USP11: variants seen among roughly 807,000 people sequenced by gnomAD.
The protein encoded by USP11 is ubiquitin specific peptidase 11.
Under a neutral mutation model 72.8 loss-of-function variants are expected in USP11, and 5 were observed. The observed-to-expected ratio is 0.07, with a 90% confidence interval of 0.04 to 0.14. USP11 has a LOEUF of 0.14. Ranked by LOEUF, USP11 falls within the 10% of genes least tolerant of loss-of-function variation. The probability of loss-of-function intolerance (pLI) is 1.00; values close to 1 mark genes in which losing one functional copy is unlikely to be tolerated. For missense variants in USP11, 480 were observed against 794.7 expected (o/e 0.60, Z 4.76); for synonymous variants, 368 against 326.5 (o/e 1.13, Z -1.37).
chrX:47,245,497 C>T lies in USP11; in HGVS notation c.2270+15C>T, dbSNP rs199759719. ...GAAAACCCCTGGTGAGGGGCCAGAG[C>T]GGGGCCTGTGTGTGGGGGTTTCATT... On this transcript the variant is annotated intron_variant, in intron 17 of 20. Transcript: ENST00000377107. The T allele has an allele frequency of 2.5e-5, 27 of 1,069,365 alleles. No homozygotes were observed. The highest frequency in any genetic ancestry group is 5.0e-4 in the Middle Eastern group (2 of 4,001). 88.1% of individuals were successfully genotyped at this position (1,069,365 alleles called of 1,213,427 possible). A position where few individuals can be genotyped will look rare whatever the true frequency, so the allele number is the denominator to read the frequency against.
intron 9 of USP11, 134 bp from the exon 10 acceptor site, chrX:47,241,948 G>A (rs1203878358): frequency 1.3e-6 from 1 of 769,744 alleles, no homozygotes; most frequent in East Asian, 3.5e-5. Flanking sequence ...CATAGTCTCT[G>A]TGTATCCCTA....
Position 47,244,726 on chromosome X carries a change from G to C in USP11, c.1888G>C (p.Gly630Arg). ...AGATGACGTCCCTGGGCCCTCAACT[G>C]GGGGCAGCCTCCGAGACCCTGAGCC... Reference protein sequence around the residue: ...DKDDVPGPSTGGSLRDPEPEQ... With the variant: ...DKDDVPGPSTRGSLRDPEPEQ... Residue 630 changes from glycine to arginine, a missense_variant, in exon 15 of 21, where the codon GGG becomes CGG. Coordinates refer to ENST00000377107, the MANE Select transcript of USP11 (RefSeq NM_001371072.1). 8.3e-7 allele frequency: 1 copy of C among 1,209,347 alleles called. No homozygotes were observed. The highest frequency in any genetic ancestry group is 1.8e-5 in the South Asian group (1 of 56,593).
chrX:47,247,778 G>A lies in USP11; in HGVS notation c.2626-15G>A, dbSNP rs779060287. The A allele has an allele frequency of 8.3e-7, 1 of 1,204,112 alleles. No homozygotes were observed. Among genetic ancestry groups the A allele is most frequent in the Non-Finnish European group, 1.1e-6 (1 of 893,005 alleles). On this transcript the variant is annotated splice_polypyrimidine_tract_variant and intron_variant, in intron 20 of 20. Transcript: ENST00000377107. ...ACCCCCACAATCCACACTGACTCCT[G>A]TCCTCTCCCCACAGTCCAAGGCAGC... is the stretch of plus-strand genomic sequence containing the variant.
chrX:47,242,377 G>C (rs2055407983), intron 10 of USP11, 62 bp from the exon 11 acceptor site: 4 of 1,204,980 alleles, frequency 3.3e-6, no homozygotes, highest in Non-Finnish European at 4.5e-6. Flanking sequence ...ATAGCTCAAG[G>C]CTTCTTGCAT....
chrX:47,241,055 T>C (rs2055399992), intron 7 of USP11, 179 bp downstream of exon 7: 4 of 563,059 alleles, frequency 7.1e-6, no homozygotes, highest in Non-Finnish European at 1.1e-5. Context: ...GCCTCTTCTC[T>C]CAGCTTGCCC....
At chrX:47,239,945 G>T in intron 4 of USP11, 38 bp downstream of exon 4, 1 of 1,148,702 alleles carries the variant, frequency 8.7e-7, no homozygotes, top group Non-Finnish European at 1.2e-6. Context: ...GGTGTTCCTA[G>T]CTACTAGTCC....
intron 12 of USP11, 105 bp from the exon 13 acceptor site, chrX:47,243,290 TA>T: frequency 1.4e-6 from 1 of 730,184 alleles, no homozygotes; most frequent in Non-Finnish European, 1.9e-6. Flanking sequence ...TAAATAAAAA[TA>T]AAAATGCCTT....
In USP11 at chrX:47,247,355, G is replaced by A. The variant is rs752735076; in HGVS notation, c.2472G>A (p.Pro824=). 1.2e-5 allele frequency: 15 copies of A among 1,209,225 alleles called. No individual in the cohort carries two copies. The highest frequency in any genetic ancestry group is 5.9e-5 in the East Asian group (2 of 33,686). The change falls in exon 19 of 21, where the codon CCG becomes CCA. Residue 824 remains proline, a synonymous_variant. Coordinates refer to ENST00000377107, the MANE Select transcript of USP11 (RefSeq NM_001371072.1). ...FVIQPQNESN[P]ELYKYDLIAV... The stretch of plus-strand genomic sequence containing the variant: ...TCCAGCCACAGAATGAGTCGAATCC[G>A]GAGCTGTACAAATATGACCTCATCG...
rs780000897 is a variant in USP11 at position 47,247,201 on chromosome X, C to T, written c.2400C>T (p.Thr800=). The change falls in exon 18 of 21, where the codon ACC becomes ACT. Residue 800 remains threonine (T), a synonymous_variant. Coordinates refer to ENST00000377107, the MANE Select transcript of USP11 (RefSeq NM_001371072.1). ...YTKFSREKLD[T]LVEFPIRDLD... is the part of the protein sequence containing the mutation. ...AGTTCTCCCGAGAGAAGCTGGACAC[C>T]CTCGTGGAGTTTCCTATCCGGTCAG... is the stretch of plus-strand genomic sequence containing the variant. 37 of 1,208,214 alleles carry T rather than the reference C, an allele frequency of 3.1e-5. No individual in the cohort carries two copies. The highest frequency in any genetic ancestry group is 1.4e-4 in the African/African-American group (8 of 56,525).
rs769936095 is a variant in USP11 at position 47,245,023 on chromosome X, G to A, written c.2094G>A (p.Pro698=). The stretch of plus-strand genomic sequence containing the variant: ...CCTCTCCCTCACCCCCAGCCCAGCC[G>A]TACATTGCTATCGACTGGGAGCCAG... ...TTSPEEVHAQ[P]YIAIDWEPEM... The change falls in exon 16 of 21, where the codon CCG becomes CCA. Residue 698 remains proline (P), a synonymous_variant. Transcript: ENST00000377107. The A allele has an allele frequency of 4.6e-5, 56 of 1,210,247 alleles. No homozygotes were observed. Among genetic ancestry groups the A allele is most frequent in the Non-Finnish European group, 5.8e-5 (52 of 895,185 alleles).
rs2147356690 is a variant in USP11, at chrX:47,248,068, C to T, written c.*138C>T. ...AGGCTTAGTCGTGGCTACTGTTCTC[C>T]TGTGCCGCTGCATCGCTCTCTCCCG... On this transcript the variant is annotated 3_prime_UTR_variant, in exon 21 of 21. Coordinates refer to ENST00000377107, the MANE Select transcript of USP11 (RefSeq NM_001371072.1). 4.5e-6 allele frequency: 4 copies of T among 894,555 alleles called. No homozygotes were observed. Among genetic ancestry groups the T allele is most frequent in the Middle Eastern group, 4.2e-4 (1 of 2,394 alleles). 73.7% of individuals were successfully genotyped at this position (894,555 alleles called of 1,213,427 possible).
Position 47,240,430 on chromosome X carries a change from G to A in USP11, c.661G>A (p.Ala221Thr), listed in dbSNP as rs751127253. 1 of 1,212,034 alleles carries A rather than the reference G, an allele frequency of 8.3e-7. No homozygotes were observed. Among genetic ancestry groups the A allele is most frequent in the Non-Finnish European group, 1.1e-6 (1 of 895,605 alleles). Residue 221 changes from alanine (A) to threonine (T), a missense_variant, in exon 5 of 21, where the codon GCG (alanine) becomes ACG (threonine). Ala to Thr is a moderately conservative substitution (Grantham distance 58, BLOSUM62 0). Around this residue, in one of 5 missense-constraint regions of USP11, gnomAD observed 80 missense variants for 100.9 expected, o/e 0.79. Transcript: ENST00000377107. ...LYDTHITVLD[A>T]ALETGQLIIM... ...TGACACACACATCACGGTTCTCGAT[G>A]CGGCCCTTGAGACTGGGCAGGTAAG...
chrX:47,233,357 C>G, intron 1 of USP11, 138 bp downstream of exon 1: 1 of 908,911 alleles, frequency 1.1e-6, no homozygotes, highest in Non-Finnish European at 1.4e-6. Flanking sequence ...GGACAGCGGG[C>G]TAAAGGGGCG....
intron 14 of USP11, 58 bp from the exon 15 acceptor site, chrX:47,244,624 A>G: frequency 2.5e-6 from 3 of 1,205,236 alleles, no homozygotes; most frequent in South Asian, 1.8e-5. Flanking sequence ...CTAGGTGTGC[A>G]TTGCAGCTTA....
At chrX:47,241,495 C>A in intron 8 of USP11, 45 bp downstream of exon 8, 1 of 1,186,880 alleles carries the variant, frequency 8.4e-7, no homozygotes, top group Non-Finnish European at 1.1e-6. Context: ...CGTCTCTTGG[C>A]TCTCCTAACT....
intron 1 of USP11, among the ~76,000 whole-genome samples, chrX:47,236,688 C>T (rs776699289): frequency 8.9e-5 from 10 of 112,309 alleles, no homozygotes; most frequent in African/African-American, 1.3e-4. Flanking sequence ...GCACATATTT[C>T]ATATCATTTC....
At chrX:47,246,159 C>G (rs1369175541) in intron 17 of USP11, among the ~76,000 whole-genome samples, 3 of 112,462 alleles carry the variant, frequency 2.7e-5, no homozygotes, top group Non-Finnish European at 5.6e-5. Context: ...CTCAGCGATG[C>G]CACTTGATGT....
chrX:47,233,532 AGGT>A (rs892421676), intron 1 of USP11: 46 of 918,734 alleles, frequency 5.0e-5, no homozygotes, highest in South Asian at 2.2e-4. Context: ...CCTGGGAAGA[AGGT>A]GGGTTCTGCT....
Position 47,248,169 on chromosome X carries a change from T to C in USP11, c.*239T>C. 2.4e-6 allele frequency: 1 copy of C among 416,426 alleles called. No individual in the cohort carries two copies. The highest frequency in any genetic ancestry group is 4.3e-5 in the East Asian group (1 of 23,184). 34.3% of individuals were successfully genotyped at this position (416,426 alleles called of 1,213,427 possible). A position where few individuals can be genotyped will look rare whatever the true frequency, so the allele number is the denominator to read the frequency against. ...TGCCCTTCCAGCAGTGACCCTCCCT[T>C]CTAGTCTTTATTTATGGTCGTGCCC... On this transcript the variant is annotated 3_prime_UTR_variant, in exon 21 of 21. Transcript: ENST00000377107.
Sources: allele counts gnomAD v4.1 joint callset (sites outside exome capture counted in the v4.1 genomes callset), GRCh38; gene constraint gnomAD v4.1.1; regional missense constraint gnomAD v4.1.1; transcripts MANE v1.5; gene names NCBI Gene and HGNC (gene_info 2026-07-23, HGNC 2026-07-21).